CNTN4: variants seen among roughly 807,000 people sequenced by gnomAD.
The protein encoded by CNTN4 is contactin-4.
CNTN4 carries 77 observed loss-of-function variants against 122.5 expected under a neutral mutation model. The ratio of observed to expected loss-of-function variants is 0.63; its 90% confidence interval spans 0.52 to 0.76. The LOEUF is 0.76. Among genes scored for constraint, CNTN4 ranks in the 30% least tolerant of loss-of-function variants. The pLI, the probability that CNTN4 is intolerant of heterozygous loss-of-function variation, is 0.00. For synonymous variants in CNTN4, 512 were observed against 447.0 expected (o/e 1.15, Z -1.83); for missense variants, 1,256 against 1,259.1 (o/e 1.00, Z 0.04).
At chr3:2,100,259 C>T (rs2031802915) in intron 1 of CNTN4, among the ~76,000 whole-genome samples, 1 of 152,158 alleles carries the variant, frequency 6.6e-6, no homozygotes, top group Non-Finnish European at 1.5e-5. Flanking sequence ...GGGGCGGGCA[C>T]ATGTTTGTCA....
intron 4 of CNTN4, among the ~76,000 whole-genome samples, chr3:2,680,375 A>G (rs977148640): frequency 3.9e-5 from 6 of 152,210 alleles, no homozygotes; most frequent in Non-Finnish European, 5.9e-5. Context: ...ATAAATGAAT[A>G]TGATGTTAGC....
chr3:2,866,970 G>C, intron 8 of CNTN4, 21 bp downstream of exon 8: 1 of 1,603,998 alleles, frequency 6.2e-7, no homozygotes, highest in Non-Finnish European at 8.5e-7. Flanking sequence ...AAGTAATTTT[G>C]TTAATTTTGT....
In CNTN4 at chr3:2,226,145, A is replaced by G. The variant is rs564953359; in HGVS notation, c.-144-113033A>G. On this transcript the variant is annotated intron_variant, in intron 2 of 24. Coordinates refer to ENST00000418658, the MANE Select transcript of CNTN4 (RefSeq NM_175607.3). ...CACCCACGTTTTGCTTTTTTTTTAC[A>G]TATATAATTCTTACCTCCTTGCTGT... Among the ~76,000 whole-genome samples, 15 of 152,198 alleles carry G rather than the reference A, an allele frequency of 9.9e-5. No homozygotes were observed. In the South Asian group the frequency reaches 1.5e-3, roughly 15 times the overall value.
At chr3:2,404,672 C>T (rs1487853071) in intron 3 of CNTN4, among the ~76,000 whole-genome samples, 1 of 152,174 alleles carries the variant, frequency 6.6e-6, no homozygotes, top group Non-Finnish European at 1.5e-5. Context: ...AATTAATCAC[C>T]TTAATTCCAT....
intron 6 of CNTN4, among the ~76,000 whole-genome samples, chr3:2,803,224 A>T (rs2092388756): frequency 6.6e-6 from 1 of 152,238 alleles, no homozygotes; most frequent in Admixed American, 6.5e-5. Flanking sequence ...TACAAATTAG[A>T]AATCATGAAT....
chr3:2,527,664 A>G (rs1484541369), intron 3 of CNTN4, among the ~76,000 whole-genome samples: 5 of 152,142 alleles, frequency 3.3e-5, no homozygotes, highest in African/African-American at 1.2e-4. Flanking sequence ...CTTATGTCCC[A>G]TCCCCTCTTT....
chr3:2,981,459 G>T (rs1326595700), intron 13 of CNTN4, among the ~76,000 whole-genome samples: 2 of 151,730 alleles, frequency 1.3e-5, no homozygotes, highest in East Asian at 3.9e-4. Flanking sequence ...ACAAAAAAAG[G>T]AAAACCTTAC....
chr3:2,488,008 G>T (rs1478506964), intron 3 of CNTN4, among the ~76,000 whole-genome samples: 2 of 152,162 alleles, frequency 1.3e-5, no homozygotes, highest in East Asian at 3.9e-4. Context: ...GACACTTCTA[G>T]TTTCTCCCTC....
In CNTN4 at chr3:2,520,259, C is replaced by CTTTTTTTTTTTTTTTTTTTTTTTTTT. The variant is rs397988483; in HGVS notation, c.-88-51151_-88-51126dup. ...AAAAAGATAGGTTGGTGATTGCTTC[C>CTTTTTTTTTTTTTTTTTTTTTTTTTT]TTTTTTTTTTTTTTTTTTTTTTTTT... On this transcript the variant is annotated intron_variant, in intron 3 of 24. Transcript: ENST00000418658. Among the ~76,000 whole-genome samples the CTTTTTTTTTTTTTTTTTTTTTTTTTT allele has an allele frequency of 8.1e-5, 6 of 74,466 alleles. 2 individuals are homozygous for CTTTTTTTTTTTTTTTTTTTTTTTTTT. Among genetic ancestry groups the CTTTTTTTTTTTTTTTTTTTTTTTTTT allele is most frequent in the African/African-American group, 4.3e-4 (6 of 13,850 alleles). 48.9% of individuals were successfully genotyped at this position (74,466 alleles called of 152,430 possible).
intron 6 of CNTN4, among the ~76,000 whole-genome samples, chr3:2,813,446 T>C (rs1161701215): frequency 6.6e-6 from 1 of 152,234 alleles, no homozygotes; most frequent in African/African-American, 2.4e-5. Context: ...ATAATACATG[T>C]ATTACATGCA....
intron 15 of CNTN4, 33 bp downstream of exon 15, chr3:3,026,310 A>G (rs760442451): frequency 6.3e-7 from 1 of 1,584,088 alleles, no homozygotes; most frequent in South Asian, 1.1e-5. Flanking sequence ...GACTCAAACT[A>G]ACTTGTTTAG....
chr3:2,363,888 C>G (rs1476585137), intron 3 of CNTN4, among the ~76,000 whole-genome samples: 3 of 152,180 alleles, frequency 2.0e-5, no homozygotes, highest in Non-Finnish European at 4.4e-5. Context: ...AACATATAAT[C>G]TATAGCTTTA....
At position 2,174,113 on chromosome 3, in the gene CNTN4, G is replaced by T. The variant is rs139674958; in HGVS notation, c.-145+73474G>T. Among the ~76,000 whole-genome samples, 157 of 152,184 alleles carry T rather than the reference G, an allele frequency of 1.0e-3. 1 individual carries two copies. The highest frequency in any genetic ancestry group is 3.4e-3 in the African/African-American group (142 of 41,516). ...AGTAGTTGAATAAGGGAATGATAAGGCCCACATTCATTTATTTTTACTTTT... is the reference window on the plus strand; with the variant it reads ...AGTAGTTGAATAAGGGAATGATAAGTCCCACATTCATTTATTTTTACTTTT... On this transcript the variant is annotated intron_variant, in intron 2 of 24. Transcript: ENST00000418658.
chr3:2,900,863 A>C (rs1468540820), intron 11 of CNTN4, 42 bp downstream of exon 11: 1 of 1,610,922 alleles, frequency 6.2e-7, no homozygotes, highest in Non-Finnish European at 8.5e-7. Flanking sequence ...CTTGACTATA[A>C]CGTTTAATAT....
At chr3:2,382,014 C>T (rs569461293) in intron 3 of CNTN4, among the ~76,000 whole-genome samples, 7 of 152,156 alleles carry the variant, frequency 4.6e-5, no homozygotes, top group East Asian at 1.9e-4. Context: ...CATTCACACA[C>T]AAAAAATAAT....
intron 2 of CNTN4, among the ~76,000 whole-genome samples, chr3:2,172,238 A>T (rs535146805): frequency 2.0e-5 from 3 of 152,242 alleles, no homozygotes; most frequent in African/African-American, 7.2e-5. Flanking sequence ...AAAACGAAAT[A>T]ATGTCTTTTT....
intron 2 of CNTN4, among the ~76,000 whole-genome samples, chr3:2,307,152 A>G (rs541249397): frequency 6.6e-6 from 1 of 152,212 alleles, no homozygotes; most frequent in South Asian, 2.1e-4. Context: ...TTGAAATAGC[A>G]AGGCCGGGCG....
At chr3:2,198,060 T>C (rs989128897) in intron 2 of CNTN4, among the ~76,000 whole-genome samples, 6 of 148,350 alleles carry the variant, frequency 4.0e-5, no homozygotes, top group Non-Finnish European at 7.4e-5. Context: ...ATTTTGGCAA[T>C]GTAGAATTCT....
At chr3:2,935,318 A>G (rs777167880) in intron 13 of CNTN4, among the ~76,000 whole-genome samples, 8 of 152,180 alleles carry the variant, frequency 5.3e-5, no homozygotes, top group Non-Finnish European at 1.0e-4. Flanking sequence ...AAAGTGTCCA[A>G]TCTAAAGGTA....
Sources: gnomAD v4.1 joint callset for allele counts (sites outside exome capture counted in the v4.1 genomes callset) on GRCh38, gnomAD v4.1.1 for gene constraint, MANE v1.5 for transcripts, NCBI Gene and HGNC (gene_info 2026-07-23, HGNC 2026-07-21) for gene names.